ADAMTSL3: variants seen among roughly 807,000 people sequenced by gnomAD.
ADAMTSL3 encodes ADAMTS-like protein 3.
ADAMTSL3 carries 128 observed loss-of-function variants against 201.7 expected under a neutral mutation model. The ratio of observed to expected loss-of-function variants is 0.63; its 90% CI spans 0.55 to 0.73. The LOEUF is 0.73. Ranked by LOEUF, ADAMTSL3 falls within the 30% of genes least tolerant of loss-of-function variation. ADAMTSL3 has a pLI of 0.00. For synonymous variants in ADAMTSL3, 738 were observed against 748.4 expected (o/e 0.99, Z 0.23); for missense variants, 1,990 against 2,119.6 (o/e 0.94, Z 1.20).
At chr15:83,814,578 C>T (rs941163930) in intron 5 of ADAMTSL3, among the ~76,000 whole-genome samples, 1 of 152,208 alleles carries the variant, frequency 6.6e-6, no homozygotes, top group Admixed American at 6.5e-5. Flanking sequence ...TTTCACTTTT[C>T]CACAATTCCT....
intron 6 of ADAMTSL3, among the ~76,000 whole-genome samples, chr15:83,826,716 T>G (rs1329120545): frequency 7.1e-6 from 1 of 141,650 alleles, no homozygotes; most frequent in Non-Finnish European, 1.5e-5. Context: ...TGTGTCCAAG[T>G]GTTCTCATTG....
chr15:83,701,489 G>C (rs951412342), intron 2 of ADAMTSL3, among the ~76,000 whole-genome samples: 1 of 152,186 alleles, frequency 6.6e-6, no homozygotes, highest in East Asian at 1.9e-4. Context: ...GTTTGATTCT[G>C]TGTCCCCACC....
intron 3 of ADAMTSL3, among the ~76,000 whole-genome samples, chr15:83,750,966 T>G (rs1011275369): frequency 1.3e-5 from 2 of 152,252 alleles, no homozygotes; most frequent in African/African-American, 4.8e-5. Context: ...TATTAATTCA[T>G]GCATTAATTT....
chr15:83,713,178 T>C (rs1462132108), intron 3 of ADAMTSL3, among the ~76,000 whole-genome samples: 1 of 152,188 alleles, frequency 6.6e-6, no homozygotes, highest in Non-Finnish European at 1.5e-5. Flanking sequence ...TTTCTCTGTC[T>C]TAGATGGCCT....
At chr15:83,930,197 T>C (rs1196819066) in intron 17 of ADAMTSL3, among the ~76,000 whole-genome samples, 1 of 152,166 alleles carries the variant, frequency 6.6e-6, no homozygotes, top group Non-Finnish European at 1.5e-5. Context: ...GTGTTGGACT[T>C]TATGATCACC....
At chr15:84,025,627 A>G (rs573809214) in intron 27 of ADAMTSL3, 191 bp downstream of exon 27, 11 of 571,206 alleles carry the variant, frequency 1.9e-5, no homozygotes, top group Admixed American at 7.1e-5. Flanking sequence ...TTCCAGTACA[A>G]AAGTGAACCA....
Position 83,865,877 on chromosome 15 carries a change from T to G in ADAMTSL3, c.803-4925T>G, listed in dbSNP as rs187328931. Among the ~76,000 whole-genome samples the G allele has an allele frequency of 7.3e-3, 1,111 of 152,288 alleles. 13 individuals carry two copies. The highest frequency in any genetic ancestry group is 0.012 in the Non-Finnish European group (806 of 68,036). ...GCAATCTACTCATCTGACAAAGGGC[T>G]AATATCCAGAATCTACAATGAACTC... On this transcript the variant is annotated intron_variant, in intron 8 of 29. Transcript: ENST00000286744.
chr15:83,664,566 T>C (rs1595988541), intron 2 of ADAMTSL3, among the ~76,000 whole-genome samples: 1 of 152,238 alleles, frequency 6.6e-6, no homozygotes, highest in African/African-American at 2.4e-5. Flanking sequence ...ATTCAGCCAC[T>C]AACTCCCATT....
chr15:83,730,529 T>C (rs779385663), intron 3 of ADAMTSL3, among the ~76,000 whole-genome samples: 10 of 151,920 alleles, frequency 6.6e-5, no homozygotes, highest in Non-Finnish European at 1.2e-4. Flanking sequence ...GAATGGAGAA[T>C]AGTGTAAAAG....
intron 2 of ADAMTSL3, among the ~76,000 whole-genome samples, chr15:83,667,517 G>GTTTTTTT (rs35255014): frequency 8.3e-6 from 1 of 120,368 alleles, no homozygotes; most frequent in African/African-American, 3.2e-5. Context: ...AATTATGAAG[G>GTTTTTTT]TTTTTTTTTT....
chr15:83,978,930 C>T (rs557505026), intron 20 of ADAMTSL3, among the ~76,000 whole-genome samples: 2 of 152,368 alleles, frequency 1.3e-5, no homozygotes, highest in South Asian at 4.1e-4. Context: ...CTGCCCACCA[C>T]CTGAGGCTTC....
At chr15:84,013,726 C>A (rs2068042354) in intron 23 of ADAMTSL3, among the ~76,000 whole-genome samples, 1 of 152,156 alleles carries the variant, frequency 6.6e-6, no homozygotes, top group African/African-American at 2.4e-5. Context: ...CAAGATTGTG[C>A]CACTGCACTC....
intron 2 of ADAMTSL3, among the ~76,000 whole-genome samples, chr15:83,671,184 T>C (rs566779130): frequency 6.6e-6 from 1 of 152,334 alleles, no homozygotes; most frequent in Non-Finnish European, 1.5e-5. Flanking sequence ...ATAAAATGCA[T>C]TGGGTACTTT....
chr15:83,698,510 T>G (rs988056255), intron 2 of ADAMTSL3, among the ~76,000 whole-genome samples: 1 of 152,212 alleles, frequency 6.6e-6, no homozygotes, highest in Non-Finnish European at 1.5e-5. Context: ...CCTGGCTCAG[T>G]GCCCTGGGAA....
chr15:83,824,196 A>G (rs137899485), intron 6 of ADAMTSL3, among the ~76,000 whole-genome samples: 98 of 151,978 alleles, frequency 6.4e-4, no homozygotes, highest in African/African-American at 1.8e-3. Flanking sequence ...GGCATGTGCC[A>G]TCACGCTCAG....
chr15:83,862,054 G>A (rs2064874824), intron 8 of ADAMTSL3: 1 of 152,154 alleles, frequency 6.6e-6, no homozygotes, highest in Admixed American at 6.5e-5. Context: ...GAAGCGAAAA[G>A]AGAAGTTTAG....
rs904947198 is a variant in ADAMTSL3, at chr15:83,973,882, A to T, written c.2644+3245A>T. ...TTCTACCAAGGTTTCAATTCTAGAAAATGTGGCCTAATCGGTGCCTTGGGT... is the reference window on the plus strand; with the variant it reads ...TTCTACCAAGGTTTCAATTCTAGAATATGTGGCCTAATCGGTGCCTTGGGT... On this transcript the variant is annotated intron_variant, in intron 20 of 29. Transcript: ENST00000286744. Among the ~76,000 whole-genome samples, 5 of 152,296 alleles carry T rather than the reference A, an allele frequency of 3.3e-5. No individual in the cohort carries two copies. The Middle Eastern group carries it at 0.014, about 414-fold the overall frequency.
intron 4 of ADAMTSL3, among the ~76,000 whole-genome samples, chr15:83,784,966 TTGTGTG>T (rs1313739800): frequency 1.3e-5 from 2 of 152,172 alleles, no homozygotes; most frequent in Admixed American, 1.3e-4. Context: ...TCTATCTTAA[TTGTGTG>T]TGTGTGCACA....
At chr15:83,685,597 C>T (rs1014317871) in intron 2 of ADAMTSL3, among the ~76,000 whole-genome samples, 38 of 152,202 alleles carry the variant, frequency 2.5e-4, no homozygotes, top group South Asian at 1.2e-3. Context: ...ATTTGTTTTT[C>T]GCCCAAAGGA....
Sources: allele counts gnomAD v4.1 joint callset (sites outside exome capture counted in the v4.1 genomes callset), GRCh38; gene constraint gnomAD v4.1.1; transcripts MANE v1.5; gene names NCBI Gene and HGNC (gene_info 2026-07-23, HGNC 2026-07-21).